The following SERPINE2 variants were observed in gnomAD, a reference collection of about 807,000 sequenced individuals.
The protein encoded by SERPINE2 is serpin family E member 2, also known as glia-derived nexin.
SERPINE2 carries 14 observed loss-of-function variants against 36.3 expected under a neutral mutation model. The ratio of observed to expected loss-of-function variants is 0.39; its 90% CI spans 0.25 to 0.60. SERPINE2 has a LOEUF of 0.60. SERPINE2 is among the 20% of genes least tolerant of loss of function. The pLI is 0.57. For synonymous variants in SERPINE2, 192 were observed against 191.8 expected, an observed-to-expected ratio of 1.00 and a Z score of -0.01; for missense variants, 418 against 499.6, an observed-to-expected ratio of 0.84 and a Z score of 1.56.
intron 1 of SERPINE2, chr2:224,031,452 C>A: frequency 2.0e-6 from 2 of 985,694 alleles, no homozygotes; most frequent in Non-Finnish European, 2.4e-6. Context: ...CGGTCCTCTC[C>A]ACTCCCTTTC....
intron 5 of SERPINE2, among the ~76,000 whole-genome samples, chr2:223,983,975 A>G (rs1307135351): frequency 6.6e-6 from 1 of 151,590 alleles, no homozygotes. Context: ...TACAAAAAAA[A>G]AAAATCTTGA....
chr2:224,014,490 T>C (rs4674839), intron 1 of SERPINE2, among the ~76,000 whole-genome samples: 124,796 of 152,234 alleles, frequency 0.82, 51,956 homozygotes, highest in Non-Finnish European at 0.91. Context: ...GAGACTCTGA[T>C]TCTAAACTAA....
intron 3 of SERPINE2, among the ~76,000 whole-genome samples, chr2:223,993,478 G>C (rs1690754832): frequency 6.6e-6 from 1 of 151,954 alleles, no homozygotes; most frequent in African/African-American, 2.4e-5. Flanking sequence ...ATAGGGATCA[G>C]TAATGCCCAA....
chr2:224,007,517 A>G (rs1388138189), intron 1 of SERPINE2, among the ~76,000 whole-genome samples: 1 of 152,242 alleles, frequency 6.6e-6, no homozygotes, highest in Admixed American at 6.5e-5. Flanking sequence ...CAGACATCAT[A>G]TAATATCATT....
At chr2:223,978,109 G>C (rs1690080363) in intron 7 of SERPINE2, 1 of 154,446 alleles carries the variant, frequency 6.5e-6, no homozygotes, top group South Asian at 2.0e-4. Flanking sequence ...TTGGCTCACT[G>C]CAACCTTTGC....
At chr2:224,003,720 T>C (rs903258054) in intron 1 of SERPINE2, among the ~76,000 whole-genome samples, 2 of 152,240 alleles carry the variant, frequency 1.3e-5, no homozygotes, top group African/African-American at 4.8e-5. Flanking sequence ...CAGTGGCAGC[T>C]GGTAAAACAA....
chr2:223,994,593 G>A (rs1340173389), intron 3 of SERPINE2, among the ~76,000 whole-genome samples: 3 of 152,168 alleles, frequency 2.0e-5, no homozygotes, highest in African/African-American at 7.2e-5. Flanking sequence ...AGAGAGAGGT[G>A]CAGGCTGACA....
intron 1 of SERPINE2, among the ~76,000 whole-genome samples, chr2:224,012,690 G>A (rs543934379): frequency 1.5e-4 from 23 of 152,054 alleles, no homozygotes; most frequent in Non-Finnish European, 3.1e-4. Flanking sequence ...CTGATGGTGG[G>A]AATATGAATA....
intron 2 of SERPINE2, among the ~76,000 whole-genome samples, chr2:223,999,624 G>A (rs561242003): frequency 6.6e-6 from 1 of 152,306 alleles, no homozygotes; most frequent in African/African-American, 2.4e-5. Context: ...GAAAACGGCC[G>A]GCTTTGGAGG....
chr2:224,032,501 T>C (rs919407183), intron 1 of SERPINE2, among the ~76,000 whole-genome samples: 4 of 151,986 alleles, frequency 2.6e-5, no homozygotes, highest in African/African-American at 2.4e-5. Flanking sequence ...GGGTTGGGGG[T>C]GGGGCACGGT....
chr2:224,017,305 A>G (rs553917134), intron 1 of SERPINE2, among the ~76,000 whole-genome samples: 1 of 152,080 alleles, frequency 6.6e-6, no homozygotes, highest in South Asian at 2.1e-4. Context: ...CTATATAACT[A>G]TCTCAAAATA....
chr2:224,020,091 A>G (rs1404026112), intron 1 of SERPINE2, among the ~76,000 whole-genome samples: 1 of 152,200 alleles, frequency 6.6e-6, no homozygotes. Flanking sequence ...CTTTGTCTGA[A>G]TCACACAAGT....
intron 1 of SERPINE2, among the ~76,000 whole-genome samples, chr2:224,027,038 T>C (rs1014622604): frequency 1.3e-5 from 2 of 152,174 alleles, no homozygotes; most frequent in African/African-American, 2.4e-5. Context: ...ATGAGGACGG[T>C]TGTGCCCAGG....
chr2:223,996,770 T>G (rs1690905068), intron 3 of SERPINE2, among the ~76,000 whole-genome samples: 1 of 152,180 alleles, frequency 6.6e-6, no homozygotes, highest in Non-Finnish European at 1.5e-5. Context: ...ATTGACTCTC[T>G]CCCTTCTATG....
rs571751527 is a variant in SERPINE2, at chr2:223,984,692, A to C, written c.884+60T>G. 3.5e-5 allele frequency: 53 copies of C among 1,522,186 alleles called. No homozygotes were observed. The African/African-American group carries it at 6.8e-4, about 20-fold the overall frequency. The allele number at this position is 1,522,186 out of a possible 1,614,324, so 94.3% of individuals were successfully genotyped here. A position where few individuals can be genotyped will look rare whatever the true frequency, so the allele number is the denominator to read the frequency against. On this transcript the variant is annotated intron_variant, in intron 5 of 8. Transcript: ENST00000409304. Reference sequence around the variant, plus strand: ...TTCGCCTCATGTTGTCTGGTGTCCGACATAACACCTGCTGATTGAATAATG... The same window carrying C: ...TTCGCCTCATGTTGTCTGGTGTCCGCCATAACACCTGCTGATTGAATAATG...
In SERPINE2 at chr2:224,014,545, G is replaced by T. The variant is rs540975316; in HGVS notation, c.-22-12623C>A. Among the ~76,000 whole-genome samples, 5 of 152,318 alleles carry T rather than the reference G, an allele frequency of 3.3e-5. No individual in the cohort carries two copies. The East Asian group carries it at 9.7e-4, about 29-fold the overall frequency. ...CAGAGGGATCATTGTGTGGCGCCTG[G>T]GGCGAGAGTGGGAATGTGTGTTCTC... On this transcript the variant is annotated intron_variant, in intron 1 of 8. Coordinates refer to ENST00000409304, the MANE Select transcript of SERPINE2 (RefSeq NM_001136528.2).
intron 1 of SERPINE2, chr2:224,031,563 G>A (rs1692371039): frequency 1.1e-5 from 10 of 933,688 alleles, no homozygotes; most frequent in Middle Eastern, 5.5e-4. Context: ...ATGTGACCAC[G>A]TGACCTAGCA....
At chr2:224,008,001 C>A (rs983142749) in intron 1 of SERPINE2, among the ~76,000 whole-genome samples, 6 of 152,350 alleles carry the variant, frequency 3.9e-5, no homozygotes, top group Admixed American at 6.5e-5. Context: ...GGGAGCTGAG[C>A]AGAGGTGCCC....
At chr2:224,028,006 G>A (rs1325529354) in intron 1 of SERPINE2, among the ~76,000 whole-genome samples, 4 of 152,192 alleles carry the variant, frequency 2.6e-5, no homozygotes, top group Non-Finnish European at 5.9e-5. Context: ...ATACAGAGAC[G>A]ACACAATAGA....
Sources: gnomAD v4.1 joint callset for allele counts (sites outside exome capture counted in the v4.1 genomes callset) on GRCh38, gnomAD v4.1.1 for gene constraint, MANE v1.5 for transcripts, NCBI Gene and HGNC (gene_info 2026-07-23, HGNC 2026-07-21) for gene names.